Variants in FGD5 observed in about 807,000 individuals in gnomAD.
FGD5 encodes the protein FYVE, RhoGEF and PH domain-containing protein 5.
In FGD5, 28 loss-of-function variants were observed where a neutral mutation model predicts 133.4. The ratio of observed to expected loss-of-function variants is 0.21; its 90% CI spans 0.16 to 0.29. The LOEUF is 0.29. Among genes scored for constraint, FGD5 ranks in the 10% least tolerant of loss-of-function variants. The probability of loss-of-function intolerance (pLI) is 1.00; values close to 1 mark genes in which losing one functional copy is unlikely to be tolerated. For missense variants in FGD5, 1,858 were observed against 1,895.2 expected (o/e 0.98, Z 0.36); for synonymous variants, 810 against 776.5 (o/e 1.04, Z -0.72).
At chr3:14,845,206 G>C (rs1213637152) in intron 1 of FGD5, among the ~76,000 whole-genome samples, 2 of 152,210 alleles carry the variant, frequency 1.3e-5, no homozygotes, top group East Asian at 3.8e-4. Context: ...AGGTTCTGAA[G>C]GCACCCTTGG....
chr3:14,862,493 T>C (rs565071151), intron 1 of FGD5, among the ~76,000 whole-genome samples: 1 of 152,076 alleles, frequency 6.6e-6, no homozygotes. Flanking sequence ...GGCAGCACGG[T>C]GACTTGCAGC....
At chr3:14,906,234 C>T (rs908265391) in intron 9 of FGD5, among the ~76,000 whole-genome samples, 5 of 152,224 alleles carry the variant, frequency 3.3e-5, no homozygotes, top group Non-Finnish European at 7.3e-5. Context: ...ATGGTGGGCA[C>T]ATGCCTACAT....
intron 4 of FGD5, among the ~76,000 whole-genome samples, chr3:14,894,185 C>T (rs1313306411): frequency 6.6e-6 from 1 of 152,200 alleles, no homozygotes. Flanking sequence ...TTAGCTACCA[C>T]ATATGAGTGG....
intron 9 of FGD5, 151 bp from the exon 10 acceptor site, chr3:14,907,489 A>T (rs962153430): frequency 1.5e-6 from 1 of 647,126 alleles, no homozygotes; most frequent in Non-Finnish European, 2.7e-6. Flanking sequence ...CTCGGATCCC[A>T]GTCCTGCCTT....
At chr3:14,879,157 T>G (rs888381623) in intron 2 of FGD5, among the ~76,000 whole-genome samples, 1 of 152,234 alleles carries the variant, frequency 6.6e-6, no homozygotes, top group Non-Finnish European at 1.5e-5. Flanking sequence ...GAGGTTAGTT[T>G]GTCCACATAT....
intron 1 of FGD5, among the ~76,000 whole-genome samples, chr3:14,834,231 G>A (rs535065608): frequency 6.6e-6 from 1 of 152,218 alleles, no homozygotes; most frequent in Non-Finnish European, 1.5e-5. Context: ...GTATATTATG[G>A]GAGAATGCAT....
At chr3:14,856,746 A>C (rs2037287509) in intron 1 of FGD5, among the ~76,000 whole-genome samples, 1 of 152,168 alleles carries the variant, frequency 6.6e-6, no homozygotes, top group South Asian at 2.1e-4. Context: ...TGTATCCTGC[A>C]ACTTTACTGA....
intron 9 of FGD5, among the ~76,000 whole-genome samples, chr3:14,904,147 G>C (rs1213387235): frequency 1.3e-5 from 2 of 152,208 alleles, no homozygotes; most frequent in African/African-American, 4.8e-5. Flanking sequence ...CCTGGTGGCA[G>C]GTTTCTCCAC....
At chr3:14,912,508 C>G (rs529084759) in intron 11 of FGD5, among the ~76,000 whole-genome samples, 2 of 152,164 alleles carry the variant, frequency 1.3e-5, no homozygotes, top group Admixed American at 1.3e-4. Context: ...TTCAAAGCCC[C>G]CACAGATGCC....
At chr3:14,900,763 G>A (rs1423167006) in intron 8 of FGD5, among the ~76,000 whole-genome samples, 2 of 152,172 alleles carry the variant, frequency 1.3e-5, no homozygotes, top group African/African-American at 4.8e-5. Context: ...CAGTCTCCCT[G>A]TTTCCTCCCA....
intron 11 of FGD5, among the ~76,000 whole-genome samples, chr3:14,914,406 C>T (rs1056123272): frequency 1.3e-5 from 2 of 152,214 alleles, no homozygotes; most frequent in Non-Finnish European, 2.9e-5. Flanking sequence ...TGGGCTCTTC[C>T]TCCTTCCTCC....
At chr3:14,907,741 A>G (rs746932165) in intron 10 of FGD5, 30 bp downstream of exon 10, 24 of 1,608,676 alleles carry the variant, frequency 1.5e-5, no homozygotes, top group Non-Finnish European at 1.7e-5. Context: ...GTAGGGGCAG[A>G]GGGTGGCTGG....
intron 4 of FGD5, among the ~76,000 whole-genome samples, chr3:14,881,270 A>G (rs1296836454): frequency 6.6e-6 from 1 of 151,676 alleles, no homozygotes; most frequent in Non-Finnish European, 1.5e-5. Flanking sequence ...TTGGGCTTTC[A>G]GAGGAAAGGA....
rs1057093361 is a variant in FGD5 at position 14,901,196 on chromosome 3, C to A, written c.3264+135C>A. Reference sequence around the variant, plus strand: ...TCTCTTGTGGGACTCTGCAGAGAGCCGTGGGTTCTGGCTCTGACTCTTGAT... The same window carrying A: ...TCTCTTGTGGGACTCTGCAGAGAGCAGTGGGTTCTGGCTCTGACTCTTGAT... On this transcript the variant is annotated intron_variant, in intron 9 of 19. Transcript: ENST00000285046. 6 of 949,214 alleles carry A rather than the reference C, an allele frequency of 6.3e-6. No homozygotes were observed. In the African/African-American group the frequency reaches 8.1e-5, roughly 13 times the overall value. 58.8% of individuals were successfully genotyped at this position (949,214 alleles called of 1,614,324 possible). A position where few individuals can be genotyped will look rare whatever the true frequency, so the allele number is the denominator to read the frequency against.
intron 4 of FGD5, among the ~76,000 whole-genome samples, chr3:14,883,958 G>T (rs1016699898): frequency 6.6e-6 from 1 of 152,210 alleles, no homozygotes; most frequent in Non-Finnish European, 1.5e-5. Context: ...ATGAGCAAAT[G>T]CTCACAGGCT....
At chr3:14,923,016 G>C (rs781072199) in intron 15 of FGD5, 30 bp from the exon 16 acceptor site, 2 of 1,613,476 alleles carry the variant, frequency 1.2e-6, no homozygotes, top group Non-Finnish European at 1.7e-6. Flanking sequence ...GCACTGAGAG[G>C]GGTGAGAATC....
chr3:14,911,638 C>T (rs941518963), intron 11 of FGD5, among the ~76,000 whole-genome samples: 1 of 151,824 alleles, frequency 6.6e-6, no homozygotes, highest in African/African-American at 2.4e-5. Context: ...CTGTTCCAGG[C>T]GTTGACTGAG....
intron 4 of FGD5, among the ~76,000 whole-genome samples, chr3:14,891,457 C>T (rs1314714376): frequency 6.6e-6 from 1 of 152,228 alleles, no homozygotes; most frequent in Non-Finnish European, 1.5e-5. Flanking sequence ...CTCATAGGAA[C>T]ACACATACCT....
intron 10 of FGD5, 120 bp downstream of exon 10, chr3:14,907,831 G>A: frequency 9.9e-7 from 1 of 1,006,132 alleles, no homozygotes; most frequent in Non-Finnish European, 1.5e-6. Flanking sequence ...CCCATGGAGG[G>A]CAGGCAGGCG....
Sources: gnomAD v4.1 joint callset for allele counts (sites outside exome capture counted in the v4.1 genomes callset) on GRCh38, gnomAD v4.1.1 for gene constraint, MANE v1.5 for transcripts, NCBI Gene and HGNC (gene_info 2026-07-23, HGNC 2026-07-21) for gene names.